Variants in DIS3L2 observed in about 807,000 individuals in gnomAD.
DIS3L2 encodes DIS3-like exonuclease 2.
DIS3L2 carries 34 observed loss-of-function variants against 97.5 expected under a neutral mutation model. The ratio of observed to expected loss-of-function variants is 0.35; its 90% CI spans 0.27 to 0.46. DIS3L2 has a LOEUF of 0.46. Ranked by LOEUF, DIS3L2 falls within the 20% of genes least tolerant of loss-of-function variation. The pLI, the probability that DIS3L2 is intolerant of heterozygous loss-of-function variation, is 1.00. For synonymous variants in DIS3L2, 435 were observed against 445.2 expected (o/e 0.98, Z 0.29); for missense variants, 1,038 against 1,146.0 (o/e 0.91, Z 1.36).
intron 8 of DIS3L2, among the ~76,000 whole-genome samples, chr2:232,149,287 G>A (rs985446573): frequency 1.4e-5 from 2 of 144,346 alleles, no homozygotes; most frequent in Non-Finnish European, 3.0e-5. Context: ...ATGCTGGTGT[G>A]CTGCACCCAC....
chr2:232,064,146 A>G (rs1574847129), intron 5 of DIS3L2, among the ~76,000 whole-genome samples: 2 of 152,148 alleles, frequency 1.3e-5, no homozygotes, highest in Non-Finnish European at 2.9e-5. Flanking sequence ...ATGAATTAAA[A>G]TCTTGTGTAA....
chr2:232,230,312 C>T (rs747481599), intron 10 of DIS3L2, among the ~76,000 whole-genome samples: 1 of 152,214 alleles, frequency 6.6e-6, no homozygotes, highest in Non-Finnish European at 1.5e-5. Context: ...ATGCTAAGGC[C>T]AGGGCCCGCA....
intron 9 of DIS3L2, among the ~76,000 whole-genome samples, chr2:232,183,823 T>C (rs963456445): frequency 2.6e-5 from 4 of 152,220 alleles, no homozygotes; most frequent in Admixed American, 2.0e-4. Context: ...GCAAACCCGG[T>C]AAATGGGGGT....
At chr2:231,977,675 A>G (rs961556052) in intron 1 of DIS3L2, among the ~76,000 whole-genome samples, 1 of 152,204 alleles carries the variant, frequency 6.6e-6, no homozygotes, top group Non-Finnish European at 1.5e-5. Context: ...TACCCACCAC[A>G]TGTAGAATTT....
intron 13 of DIS3L2, among the ~76,000 whole-genome samples, chr2:232,284,387 T>C (rs1361206753): frequency 2.0e-5 from 3 of 152,232 alleles, no homozygotes; most frequent in Non-Finnish European, 2.9e-5. Flanking sequence ...GCATGGTAAC[T>C]GCACCCACCC....
chr2:232,327,226 G>A (rs1308113577), intron 14 of DIS3L2, among the ~76,000 whole-genome samples: 1 of 152,236 alleles, frequency 6.6e-6, no homozygotes, highest in African/African-American at 2.4e-5. Context: ...TGCCCGCCTG[G>A]TGGCCTCCTT....
chr2:232,322,307 G>A (rs990222373), intron 14 of DIS3L2, among the ~76,000 whole-genome samples: 2 of 152,228 alleles, frequency 1.3e-5, no homozygotes, highest in African/African-American at 4.8e-5. Context: ...CTGTGCTCCT[G>A]CCAGGCATGA....
At chr2:232,131,485 G>A (rs963297360) in intron 7 of DIS3L2, 2 of 151,982 alleles carry the variant, frequency 1.3e-5, no homozygotes, top group African/African-American at 2.4e-5. Flanking sequence ...TAGAAATGGG[G>A]TTTCGCCAGG....
At chr2:232,240,091 C>G (rs188797754) in intron 11 of DIS3L2, among the ~76,000 whole-genome samples, 170 of 152,328 alleles carry the variant, frequency 1.1e-3, no homozygotes, top group Non-Finnish European at 2.9e-4. Context: ...CCTAGATGGG[C>G]TCTCTTGTCC....
At chr2:232,136,852 G>C in intron 8 of DIS3L2, 133 bp downstream of exon 8, 1 of 1,184,720 alleles carries the variant, frequency 8.4e-7, no homozygotes, top group Non-Finnish European at 1.2e-6. Context: ...TTTTGGTCCT[G>C]ATTCTTCAGA....
chr2:232,319,171 TGA>T (rs1695358597), intron 14 of DIS3L2, among the ~76,000 whole-genome samples: 1 of 152,042 alleles, frequency 6.6e-6, no homozygotes, highest in East Asian at 1.9e-4. Flanking sequence ...CTGTGGTGGT[TGA>T]GAGAAGCAGA....
intron 14 of DIS3L2, among the ~76,000 whole-genome samples, chr2:232,319,795 C>A (rs1695374998): frequency 1.3e-5 from 2 of 152,184 alleles, no homozygotes; most frequent in Non-Finnish European, 2.9e-5. Flanking sequence ...GGCTTGGCCT[C>A]CAGAGTGGTA....
intron 1 of DIS3L2, among the ~76,000 whole-genome samples, chr2:232,002,438 T>C (rs913608622): frequency 1.4e-4 from 22 of 152,370 alleles, no homozygotes; most frequent in Admixed American, 1.4e-3. Context: ...TTATATTGAA[T>C]CTGTAGATTG....
chr2:232,117,761 T>C (rs986595164), intron 6 of DIS3L2, among the ~76,000 whole-genome samples: 1 of 152,232 alleles, frequency 6.6e-6, no homozygotes, highest in Non-Finnish European at 1.5e-5. Context: ...CTTTATCTTT[T>C]CTGACATGAA....
At chr2:231,984,207 C>T (rs528827925) in intron 1 of DIS3L2, among the ~76,000 whole-genome samples, 5 of 151,852 alleles carry the variant, frequency 3.3e-5, no homozygotes, top group Non-Finnish European at 7.4e-5. Flanking sequence ...AGGAATGCCT[C>T]TGGTGCTTTA....
At chr2:232,163,751 AG>A in intron 9 of DIS3L2, 119 bp downstream of exon 9, 1 of 1,210,116 alleles carries the variant, frequency 8.3e-7, no homozygotes, top group Non-Finnish European at 1.1e-6. Flanking sequence ...AGTTGGGAAT[AG>A]GTGCTTCTGT....
intron 10 of DIS3L2, among the ~76,000 whole-genome samples, chr2:232,217,591 G>C (rs1041137150): frequency 5.3e-5 from 8 of 152,138 alleles, no homozygotes; most frequent in African/African-American, 1.9e-4. Flanking sequence ...TATAAGTTTG[G>C]GATCCTGCAA....
At chr2:232,121,075 C>T (rs1237013071) in intron 6 of DIS3L2, among the ~76,000 whole-genome samples, 2 of 152,176 alleles carry the variant, frequency 1.3e-5, no homozygotes, top group Non-Finnish European at 2.9e-5. Flanking sequence ...TTATTCCAAT[C>T]CTTCACAGCC....
intron 10 of DIS3L2, among the ~76,000 whole-genome samples, chr2:232,224,044 C>T (rs558677426): frequency 1.4e-4 from 21 of 152,256 alleles, no homozygotes; most frequent in African/African-American, 4.6e-4. Flanking sequence ...GAGCCATGAT[C>T]GCACCACACT....
Sources: allele counts gnomAD v4.1 joint callset (sites outside exome capture counted in the v4.1 genomes callset), GRCh38; gene constraint gnomAD v4.1.1; transcripts MANE v1.5; gene names NCBI Gene and HGNC (gene_info 2026-07-23, HGNC 2026-07-21).